The following CCNH variants were observed in gnomAD, a reference collection of about 807,000 sequenced individuals.
The protein encoded by CCNH is cyclin-H.
CCNH carries 31 observed loss-of-function variants against 41.9 expected under a neutral mutation model. The observed-to-expected ratio is 0.74, with a 90% CI of 0.56 to 1.00. The LOEUF is 1.00. Ranked by LOEUF, CCNH falls within the 50% of genes least tolerant of loss-of-function variation. The pLI, the probability that CCNH is intolerant of heterozygous loss-of-function variation, is 0.00. For synonymous variants in CCNH, 138 were observed against 136.1 expected (o/e 1.01, Z -0.10); for missense variants, 362 against 388.4 (o/e 0.93, Z 0.57).
intron 7 of CCNH, among the ~76,000 whole-genome samples, chr5:87,395,948 A>G (rs577919345): frequency 6.6e-6 from 1 of 152,014 alleles, no homozygotes; most frequent in East Asian, 1.9e-4. Context: ...AGAATATATC[A>G]TATATAAATA....
chr5:87,316,178 G>A (rs1003092457), downstream of CCNH, among the ~76,000 whole-genome samples: 1 of 152,128 alleles, frequency 6.6e-6, no homozygotes, highest in African/African-American at 2.4e-5. Context: ...CAAATATGAC[G>A]AATGGTTAGC....
At chr5:87,324,802 C>T (rs1245065782) in intron 9 of CCNH, among the ~76,000 whole-genome samples, 1 of 151,968 alleles carries the variant, frequency 6.6e-6, no homozygotes, top group Non-Finnish European at 1.5e-5. Context: ...TTTTGCTTAG[C>T]CTAGTGGTTG....
chr5:87,387,322 C>G (rs868773631), downstream of CCNH, among the ~76,000 whole-genome samples: 5 of 152,126 alleles, frequency 3.3e-5, no homozygotes, highest in African/African-American at 1.2e-4. Flanking sequence ...GTCTTCTTTT[C>G]TAGGAATAAA....
At chr5:87,320,599 G>A (rs758686174) in intron 9 of CCNH, among the ~76,000 whole-genome samples, 3 of 152,202 alleles carry the variant, frequency 2.0e-5, no homozygotes, top group South Asian at 2.1e-4. Context: ...CAGATCTTGC[G>A]GGAATTTACT....
intron 1 of CCNH, among the ~76,000 whole-genome samples, chr5:87,411,805 AG>A (rs908185062): frequency 6.6e-6 from 1 of 152,208 alleles, no homozygotes. Flanking sequence ...GATTTTTTTA[AG>A]GCAGCCCTTA....
At chr5:87,375,456 T>G (rs1761262538), downstream of CCNH, among the ~76,000 whole-genome samples, 1 of 152,164 alleles carries the variant, frequency 6.6e-6, no homozygotes, top group African/African-American at 2.4e-5. Context: ...AGACGGGGTT[T>G]CAGCATGTTG....
upstream of CCNH, among the ~76,000 whole-genome samples, chr5:87,380,954 T>G (rs563132001): frequency 5.9e-5 from 9 of 152,276 alleles, no homozygotes; most frequent in African/African-American, 1.4e-4. Flanking sequence ...ATTGACCGAT[T>G]TAGATATTAA....
chr5:87,371,308 G>A (rs1314834545), downstream of CCNH, among the ~76,000 whole-genome samples: 2 of 151,784 alleles, frequency 1.3e-5, no homozygotes, highest in Non-Finnish European at 2.9e-5. Context: ...TAACTGATTT[G>A]GTTTTAATTT....
intron 9 of CCNH, among the ~76,000 whole-genome samples, chr5:87,347,450 CATCTT>C (rs1758944100): frequency 6.6e-6 from 1 of 151,976 alleles, no homozygotes; most frequent in Non-Finnish European, 1.5e-5. Flanking sequence ...TGGCAAACCA[CATCTT>C]ATAAAGATTT....
At chr5:87,395,218 C>G in intron 7 of CCNH, 114 bp from the exon 8 acceptor site, 1 of 765,846 alleles carries the variant, frequency 1.3e-6, no homozygotes, top group Non-Finnish European at 2.0e-6. Flanking sequence ...ACAACAAGGC[C>G]AGGATAAATG....
chr5:87,361,845 AT>A lies in CCNH; in HGVS notation c.*90+30924del, dbSNP rs558527534. Among the ~76,000 whole-genome samples, 508 of 142,526 alleles carry A rather than the reference AT, an allele frequency of 3.6e-3. 7 individuals are homozygous for A. The highest frequency in any genetic ancestry group is 0.013 in the African/African-American group (466 of 35,742). The allele number at this position is 142,526 out of a possible 152,430, so 93.5% of individuals were successfully genotyped here. ...ATAAATATGTTGCTTAGTTTTATAC[AT>A]TTTTTTTTAAGAAATATGTACATCC... is the stretch of plus-strand genomic sequence containing the variant. On this transcript the variant is annotated intron_variant and NMD_transcript_variant, in intron 9 of 9. Coordinates refer to the CCNH transcript ENST00000645953.
At chr5:87,355,982 G>A (rs761022862) in intron 9 of CCNH, among the ~76,000 whole-genome samples, 13 of 152,218 alleles carry the variant, frequency 8.5e-5, no homozygotes, top group Non-Finnish European at 1.8e-4. Flanking sequence ...TGATGAAACT[G>A]GAGCGAAAGA....
chr5:87,331,275 A>G (rs752391055), intron 9 of CCNH: 12 of 1,434,770 alleles, frequency 8.4e-6, no homozygotes, highest in African/African-American at 2.8e-5. Flanking sequence ...CTCTAGTAGT[A>G]TGTTTTTCAA....
chr5:87,369,799 T>C lies in CCNH; in HGVS notation c.*90+22971A>G, dbSNP rs2112474644. ...TTATTAAGCTTCCTAATAATTTTTG[T>C]TTTTATTTTAAAGGCCAAACTGTTT... On this transcript the variant is annotated intron_variant and NMD_transcript_variant, in intron 9 of 9. Coordinates refer to the CCNH transcript ENST00000645953. 1 of 1,598,062 alleles carries C rather than the reference T, an allele frequency of 6.3e-7. No homozygotes were observed. Among genetic ancestry groups the C allele is most frequent in the South Asian group, 1.1e-5 (1 of 90,188 alleles).
At chr5:87,398,467 A>G (rs530404634) in intron 7 of CCNH, among the ~76,000 whole-genome samples, 4 of 152,338 alleles carry the variant, frequency 2.6e-5, no homozygotes, top group African/African-American at 7.2e-5. Context: ...TGCATCCCAC[A>G]GGAAATAGAA....
chr5:87,311,489 T>C, the CCNH span, among the ~76,000 whole-genome samples: 13 of 152,282 alleles, frequency 8.5e-5, no homozygotes, highest in African/African-American at 3.1e-4. Flanking sequence ...ACAGTAATAA[T>C]AGTTTATTAT....
At chr5:87,376,829 G>A (rs1761359491) in exon 1 of CCNH, 13 of 1,512,064 alleles carry the variant, frequency 8.6e-6, no homozygotes, top group Admixed American at 1.7e-5. Context: ...GTCTCATGGA[G>A]CATGCTTATA....
At position 87,353,880 on chromosome 5, in the gene CCNH, C is replaced by T. The variant is rs577394538; in HGVS notation, c.*91-34983G>A. On this transcript the variant is annotated intron_variant and NMD_transcript_variant, in intron 9 of 9. Coordinates refer to the CCNH transcript ENST00000645953. Reference sequence around the variant, plus strand: ...GGGTGATTAGCTTCTGTTTCTTCCTCATTGCACTTTCTGAAGTATATGGTA... The same window carrying T: ...GGGTGATTAGCTTCTGTTTCTTCCTTATTGCACTTTCTGAAGTATATGGTA... Among the ~76,000 whole-genome samples, 9 of 152,194 alleles carry T rather than the reference C, an allele frequency of 5.9e-5. No homozygotes were observed. In the East Asian group the frequency reaches 7.7e-4, roughly 13 times the overall value.
chr5:87,395,251 G>A (rs1309744403), intron 7 of CCNH, 147 bp from the exon 8 acceptor site: 2 of 557,564 alleles, frequency 3.6e-6, no homozygotes, highest in East Asian at 5.9e-5. Context: ...CAGCTATGGG[G>A]TAGGGAAAAT....
Sources: gnomAD v4.1 joint callset for allele counts (sites outside exome capture counted in the v4.1 genomes callset) on GRCh38, gnomAD v4.1.1 for gene constraint, MANE v1.5 for transcripts, NCBI Gene and HGNC (gene_info 2026-07-23, HGNC 2026-07-21) for gene names.